The following ADAMTS16 variants were observed in gnomAD, a reference collection of about 807,000 sequenced individuals.
ADAMTS16 encodes ADAM metallopeptidase with thrombospondin type 1 motif 16, also known as A disintegrin and metalloproteinase with thrombospondin motifs 16.
In ADAMTS16, 94 loss-of-function variants were observed where a neutral mutation model predicts 145.8. That is an observed-to-expected ratio of 0.64 (90% CI 0.55 to 0.77). ADAMTS16 has a LOEUF of 0.77. Among genes scored for constraint, ADAMTS16 ranks in the 30% least tolerant of loss-of-function variants. The pLI is 0.00. For synonymous variants in ADAMTS16, 659 were observed against 604.3 expected, an observed-to-expected ratio of 1.09 and a Z score of -1.33; for missense variants, 1,585 against 1,591.5, an observed-to-expected ratio of 1.00 and a Z score of 0.07.
chr5:5,220,805 C>G (rs955947756), intron 10 of ADAMTS16, among the ~76,000 whole-genome samples: 1 of 152,078 alleles, frequency 6.6e-6, no homozygotes, highest in Non-Finnish European at 1.5e-5. Flanking sequence ...AAAATTCACC[C>G]TGGAGCTGCT....
intron 18 of ADAMTS16, among the ~76,000 whole-genome samples, chr5:5,267,902 A>G (rs939198492): frequency 6.6e-6 from 1 of 152,140 alleles, no homozygotes; most frequent in African/African-American, 2.4e-5. Flanking sequence ...TTTGTCCACT[A>G]ATACATCCCA....
intron 3 of ADAMTS16, among the ~76,000 whole-genome samples, chr5:5,158,482 T>C (rs553702759): frequency 1.4e-5 from 2 of 147,586 alleles, no homozygotes; most frequent in African/African-American, 4.9e-5. Flanking sequence ...CTAAGTTGCA[T>C]TTGGGAAGCA....
At chr5:5,315,469 C>T (rs1298236974) in intron 21 of ADAMTS16, among the ~76,000 whole-genome samples, 2 of 151,186 alleles carry the variant, frequency 1.3e-5, no homozygotes. Context: ...AAACCAATGG[C>T]TAGATCTCTT....
chr5:5,144,033 G>A (rs187939), intron 2 of ADAMTS16, among the ~76,000 whole-genome samples: 53,651 of 151,846 alleles, frequency 0.35, 10,287 homozygotes, highest in Admixed American at 0.48. Flanking sequence ...GTAGATGGCA[G>A]GTTGATGGGT....
intron 4 of ADAMTS16, among the ~76,000 whole-genome samples, chr5:5,184,198 C>T (rs990843526): frequency 6.6e-6 from 1 of 152,028 alleles, no homozygotes; most frequent in Non-Finnish European, 1.5e-5. Context: ...CCTCGTGTCA[C>T]CTGTGCATGG....
chr5:5,299,518 T>A lies in ADAMTS16; in HGVS notation c.2790-3750T>A, dbSNP rs532889994. Among the ~76,000 whole-genome samples the A allele has an allele frequency of 2.8e-3, 425 of 152,318 alleles. 3 individuals carry two copies. Among genetic ancestry groups the A allele is most frequent in the Non-Finnish European group, 4.8e-3 (325 of 68,010 alleles). ...AAAAACCAAAATGTCATTTTAATTT[T>A]TTTTTTAATGGGGAAGAGGGAGTCA... On this transcript the variant is annotated intron_variant, in intron 18 of 22. Transcript: ENST00000274181.
At chr5:5,200,915 T>A (rs1302050825) in intron 9 of ADAMTS16, among the ~76,000 whole-genome samples, 1 of 152,210 alleles carries the variant, frequency 6.6e-6, no homozygotes, top group Non-Finnish European at 1.5e-5. Flanking sequence ...ATAGTAGATT[T>A]GAAAATTTCA....
intron 17 of ADAMTS16, among the ~76,000 whole-genome samples, chr5:5,247,244 T>G (rs1016380477): frequency 1.3e-5 from 2 of 152,168 alleles, no homozygotes; most frequent in African/African-American, 4.8e-5. Context: ...CTTGAAATGA[T>G]TCTGGTTTCT....
chr5:5,263,720 T>A (rs909130051), intron 18 of ADAMTS16, among the ~76,000 whole-genome samples: 5 of 152,198 alleles, frequency 3.3e-5, no homozygotes, highest in African/African-American at 1.2e-4. Context: ...GTTAATGTGC[T>A]AATTAGCTCT....
At chr5:5,170,368 ATTTTT>A (rs1251399881) in intron 3 of ADAMTS16, among the ~76,000 whole-genome samples, 1 of 151,554 alleles carries the variant, frequency 6.6e-6, no homozygotes, top group African/African-American at 2.4e-5. Context: ...TTTTTATTTT[ATTTTT>A]ATTTCTATTT....
intron 3 of ADAMTS16, among the ~76,000 whole-genome samples, chr5:5,179,956 C>T (rs1334282120): frequency 2.6e-5 from 4 of 152,196 alleles, no homozygotes; most frequent in African/African-American, 4.8e-5. Context: ...ACCCCAAATC[C>T]TATTTTCCTT....
At chr5:5,245,104 T>C (rs1484427805) in intron 17 of ADAMTS16, among the ~76,000 whole-genome samples, 3 of 152,234 alleles carry the variant, frequency 2.0e-5, no homozygotes, top group Admixed American at 6.5e-5. Flanking sequence ...TTGTAAACTT[T>C]AGGAGTTTCA....
chr5:5,202,823 T>G (rs979709), intron 9 of ADAMTS16, among the ~76,000 whole-genome samples: 139,031 of 152,232 alleles, frequency 0.91, 63,547 homozygotes, highest in African/African-American at 0.95. Flanking sequence ...CCCAAGTTAT[T>G]AAAGTCCAAA....
At chr5:5,186,492 GCC>G (rs1735503012) in intron 5 of ADAMTS16, among the ~76,000 whole-genome samples, 1 of 82,144 alleles carries the variant, frequency 1.2e-5, no homozygotes. Flanking sequence ...TTCTCTATAA[GCC>G]TCTGTAAGCC....
intron 3 of ADAMTS16, among the ~76,000 whole-genome samples, chr5:5,153,230 G>T (rs1270110844): frequency 6.6e-6 from 1 of 152,176 alleles, no homozygotes; most frequent in East Asian, 1.9e-4. Flanking sequence ...GACCACATTT[G>T]CAGTTTGTAA....
Position 5,318,195 on chromosome 5 carries a change from G to T in ADAMTS16, c.3473G>T (p.Arg1158Leu), listed in dbSNP as rs746561406. The T allele has an allele frequency of 1.2e-5, 18 of 1,562,794 alleles. No homozygotes were observed. The highest frequency in any genetic ancestry group is 1.8e-5 in the Admixed American group (1 of 55,002). The change falls in exon 22 of 23, where the codon CGG (arginine) becomes CTG (leucine). Residue 1158 changes from arginine to leucine, a missense_variant. By Grantham distance (102) the Arg-to-Leu change is moderately radical. Coordinates refer to ENST00000274181, the MANE Select transcript of ADAMTS16 (RefSeq NM_139056.4). ...TCCGTGCAGTGCCTGGCTGGGGGCCGGCCGGCCTCAGGCTGCCTCCTGCAC... is the reference window on the plus strand; with the variant it reads ...TCCGTGCAGTGCCTGGCTGGGGGCCTGCCGGCCTCAGGCTGCCTCCTGCAC... Reference protein sequence around the residue: ...TRSVQCLAGGRPASGCLLHQK... With the variant: ...TRSVQCLAGGLPASGCLLHQK...
chr5:5,146,661 C>A (rs1163705036), intron 3 of ADAMTS16, among the ~76,000 whole-genome samples: 1 of 152,190 alleles, frequency 6.6e-6, no homozygotes, highest in African/African-American at 2.4e-5. Context: ...GCACACCCAC[C>A]CTGCTGCTGC....
intron 3 of ADAMTS16, among the ~76,000 whole-genome samples, chr5:5,178,477 G>A (rs190327864): frequency 1.8e-3 from 273 of 152,296 alleles, no homozygotes; most frequent in Non-Finnish European, 2.3e-3. Context: ...TTTTAGAATA[G>A]CTTGCAAACT....
In ADAMTS16 at chr5:5,239,814, C is replaced by T; in HGVS notation, c.2412C>T (p.Asp804=). Residue 804 remains aspartate (D), a synonymous_variant, in exon 16 of 23, where the codon GAC becomes GAT. Coordinates refer to ENST00000274181, the MANE Select transcript of ADAMTS16 (RefSeq NM_139056.4). ...ACCTGAATGGGCACTGGACCGTGGA[C>T]TGGCCCGGCCGGTACAAATTTTCGG... ...RYYLNGHWTV[D]WPGRYKFSGT... is the part of the protein sequence containing the mutation. The T allele has an allele frequency of 6.2e-7, 1 of 1,614,168 alleles. No individual in the cohort carries two copies. The highest frequency in any genetic ancestry group is 8.5e-7 in the Non-Finnish European group (1 of 1,180,036).
Sources: allele counts gnomAD v4.1 joint callset (sites outside exome capture counted in the v4.1 genomes callset), GRCh38; gene constraint gnomAD v4.1.1; transcripts MANE v1.5; gene names NCBI Gene and HGNC (gene_info 2026-07-23, HGNC 2026-07-21).